Variants in ARHGEF10 observed in about 807,000 individuals in gnomAD.
ARHGEF10 encodes Rho guanine nucleotide exchange factor 10, also known as Rho guanine nucleotide exchange factor (GEF) 10.
Under a neutral mutation model 147.4 loss-of-function variants are expected in ARHGEF10, and 140 were observed. The observed-to-expected ratio is 0.95, with a 90% CI of 0.83 to 1.09. The LOEUF is 1.09. Among genes scored for constraint, ARHGEF10 ranks in the 50% least tolerant of loss-of-function variants. The pLI is 0.00. For missense variants in ARHGEF10, 2,222 were observed against 1,752.7 expected (o/e 1.27, Z -4.78); for synonymous variants, 902 against 695.8 (o/e 1.30, Z -4.67).
chr8:1,896,300 T>C, intron 13 of ARHGEF10, 33 bp from the exon 14 acceptor site: 1 of 1,478,630 alleles, frequency 6.8e-7, no homozygotes, highest in Non-Finnish European at 9.5e-7. Flanking sequence ...CTGGACTCTG[T>C]GATTTCTCTC....
rs201919004 is a variant in ARHGEF10 at position 1,909,412 on chromosome 8, C to A, written c.2085C>A (p.Ser695Arg). The A allele has an allele frequency of 9.2e-5, 148 of 1,614,056 alleles. No individual in the cohort carries two copies. Among genetic ancestry groups the A allele is most frequent in the Middle Eastern group, 1.6e-4 (1 of 6,084 alleles). Reference protein sequence around the residue: ...YGSSAGTGEHSRHLAVHPPES... With the variant: ...YGSSAGTGEHRRHLAVHPPES... ...GCAGCGCAGGCACGGGCGAGCACAG[C>A]AGGCACCTTGCCGTTCACCCGCCGG... Residue 695 changes from serine (S) to arginine (R), a missense_variant, in exon 18 of 29, where the codon AGC (serine) becomes AGA (arginine). By Grantham distance (110) the Ser-to-Arg change is moderately radical. Coordinates refer to ENST00000349830, the MANE Select transcript of ARHGEF10 (RefSeq NM_014629.4).
At chr8:1,860,664 T>C (rs1806054668) in intron 4 of ARHGEF10, among the ~76,000 whole-genome samples, 1 of 152,190 alleles carries the variant, frequency 6.6e-6, no homozygotes. Flanking sequence ...TGGTGCCGAA[T>C]GTGTTGCCCC....
chr8:1,925,793 C>T (rs183158114), intron 22 of ARHGEF10, among the ~76,000 whole-genome samples: 3 of 152,326 alleles, frequency 2.0e-5, no homozygotes, highest in East Asian at 3.9e-4. Flanking sequence ...ACCGTGCCCG[C>T]TCTTTGCCTT....
At chr8:1,913,944 C>G (rs1811565958) in intron 18 of ARHGEF10, among the ~76,000 whole-genome samples, 1 of 152,150 alleles carries the variant, frequency 6.6e-6, no homozygotes, top group South Asian at 2.1e-4. Flanking sequence ...CCCTGCTGAG[C>G]ATAGAGAGGG....
chr8:1,924,223 G>T (rs1306360667), intron 21 of ARHGEF10, among the ~76,000 whole-genome samples: 18 of 152,100 alleles, frequency 1.2e-4, no homozygotes, highest in African/African-American at 3.4e-4. Context: ...ATGGCAGGGG[G>T]GTCATTGTTC....
chr8:1,884,967 G>C (rs1276667193), intron 10 of ARHGEF10, among the ~76,000 whole-genome samples: 1 of 152,130 alleles, frequency 6.6e-6, no homozygotes, highest in Non-Finnish European at 1.5e-5. Flanking sequence ...GTCTTGCTAT[G>C]TTGCCCAGGC....
chr8:1,919,139 A>G (rs1341077304), intron 18 of ARHGEF10, among the ~76,000 whole-genome samples: 1,358 of 96,434 alleles, frequency 0.014, 24 homozygotes, highest in African/African-American at 0.052. Context: ...GAGCTGTTCC[A>G]TGGGTGATGG....
chr8:1,862,636 T>A (rs942038376), intron 4 of ARHGEF10, among the ~76,000 whole-genome samples: 6 of 152,224 alleles, frequency 3.9e-5, no homozygotes, highest in African/African-American at 1.4e-4. Context: ...TCTGTGCTCC[T>A]GGACACCCCC....
At chr8:1,848,362 A>G (rs1804717382) in intron 2 of ARHGEF10, among the ~76,000 whole-genome samples, 1 of 152,194 alleles carries the variant, frequency 6.6e-6, no homozygotes, top group Non-Finnish European at 1.5e-5. Flanking sequence ...TCTCGTGGCC[A>G]GCAAGCAAAG....
chr8:1,921,321 T>C (rs1290258975), intron 18 of ARHGEF10, among the ~76,000 whole-genome samples: 1 of 152,232 alleles, frequency 6.6e-6, no homozygotes, highest in Admixed American at 6.5e-5. Flanking sequence ...CTTTCAGTTT[T>C]GACATATATA....
In ARHGEF10 at chr8:1,905,704, C is replaced by A; in HGVS notation, c.1955C>A (p.Thr652Asn). 1 of 1,613,938 alleles carries A rather than the reference C, an allele frequency of 6.2e-7. No homozygotes were observed. The highest frequency in any genetic ancestry group is 8.5e-7 in the Non-Finnish European group (1 of 1,180,026). ...FMLNDVLMCATVSSRPSHDSR... is the reference protein window; with the variant it reads ...FMLNDVLMCANVSSRPSHDSR... ...TTAAATGATGTGTTAATGTGTGCCA[C>A]CGTCAGCTCACGGTAAGTGCATAAA... The change falls in exon 17 of 29, where the codon ACC (threonine) becomes AAC (asparagine). Residue 652 changes from threonine to asparagine, a missense_variant. Thr to Asn is a moderately conservative substitution (Grantham distance 65, BLOSUM62 0). Transcript: ENST00000349830.
intron 4 of ARHGEF10, among the ~76,000 whole-genome samples, chr8:1,863,850 C>T (rs1482745966): frequency 4.6e-5 from 7 of 151,878 alleles, no homozygotes; most frequent in Admixed American, 1.3e-4. Context: ...CGTGTATTTG[C>T]GTGTGGAGGG....
chr8:1,910,155 A>C (rs1239346654), intron 18 of ARHGEF10, among the ~76,000 whole-genome samples: 2 of 152,176 alleles, frequency 1.3e-5, no homozygotes, highest in African/African-American at 2.4e-5. Context: ...CTACCCCTGA[A>C]TTGTAGAACA....
chr8:1,826,549 C>A (rs1055001974), intron 1 of ARHGEF10, among the ~76,000 whole-genome samples: 1 of 152,100 alleles, frequency 6.6e-6, no homozygotes, highest in African/African-American at 2.4e-5. Flanking sequence ...TGAGTCCAGA[C>A]TTCTCACGGG....
intron 1 of ARHGEF10, chr8:1,826,158 G>C: frequency 6.9e-6 from 11 of 1,582,890 alleles, no homozygotes; most frequent in Non-Finnish European, 9.4e-6. Flanking sequence ...ATTTGTATAA[G>C]GTGCTATTTG....
intron 1 of ARHGEF10, among the ~76,000 whole-genome samples, chr8:1,841,593 A>C (rs1170127229): frequency 6.6e-6 from 1 of 152,030 alleles, no homozygotes; most frequent in Non-Finnish European, 1.5e-5. Flanking sequence ...CCCTGGGGGC[A>C]GGGAGTAGGG....
At chr8:1,954,827 T>C (rs946480560) in intron 28 of ARHGEF10, among the ~76,000 whole-genome samples, 11 of 152,272 alleles carry the variant, frequency 7.2e-5, no homozygotes, top group South Asian at 2.1e-4. Flanking sequence ...AAGCAGCCTC[T>C]GTTGCTTTTT....
chr8:1,900,759 C>T (rs1045852126), intron 15 of ARHGEF10, among the ~76,000 whole-genome samples: 2 of 152,146 alleles, frequency 1.3e-5, no homozygotes, highest in African/African-American at 4.8e-5. Context: ...AAAAGACTTG[C>T]ACTTAGAAAG....
chr8:1,830,268 G>GGCTCATTTCCCGTGGGGCCCAGGCA (rs1803014082), intron 1 of ARHGEF10, among the ~76,000 whole-genome samples: 1 of 152,158 alleles, frequency 6.6e-6, no homozygotes, highest in African/African-American at 2.4e-5. Flanking sequence ...GGGCTCAGGC[G>GGCTCATTTCCCGTGGGGCCCAGGCA]GCTCATTTCC....
Sources: gnomAD v4.1 joint callset for allele counts (sites outside exome capture counted in the v4.1 genomes callset) on GRCh38, gnomAD v4.1.1 for gene constraint, MANE v1.5 for transcripts, NCBI Gene and HGNC (gene_info 2026-07-23, HGNC 2026-07-21) for gene names.